Variants in GMPR observed in about 807,000 individuals in gnomAD.
The protein encoded by GMPR is GMP reductase 1.
Under a neutral mutation model 38.4 loss-of-function variants are expected in GMPR, and 31 were observed. The ratio of observed to expected loss-of-function variants is 0.81; its 90% confidence interval spans 0.61 to 1.09. The LOEUF (loss-of-function observed/expected upper bound fraction) is 1.09, where lower values mean the gene tolerates loss of function less well. GMPR is among the 50% of genes least tolerant of loss of function. The pLI, the probability that GMPR is intolerant of heterozygous loss-of-function variation, is 0.00. For missense variants in GMPR, 468 were observed against 453.7 expected, an observed-to-expected ratio of 1.03 and a Z score of -0.29; for synonymous variants, 162 against 173.3, an observed-to-expected ratio of 0.93 and a Z score of 0.51.
At chr6:16,264,170 G>A (rs879458817) in intron 4 of GMPR, among the ~76,000 whole-genome samples, 6 of 151,966 alleles carry the variant, frequency 3.9e-5, no homozygotes, top group South Asian at 2.1e-4. Context: ...TGTGACCGGC[G>A]CCGGAGTTTT....
chr6:16,257,840 C>T (rs1194330301), intron 4 of GMPR: 2 of 152,262 alleles, frequency 1.3e-5, no homozygotes, highest in Admixed American at 1.3e-4. Context: ...CCCTTATGAC[C>T]TAATCACCTC....
chr6:16,254,938 C>A (rs757688657), intron 4 of GMPR, among the ~76,000 whole-genome samples: 2 of 152,088 alleles, frequency 1.3e-5, no homozygotes, highest in African/African-American at 2.4e-5. Flanking sequence ...AAAATAAAAT[C>A]CCCATCAACT....
rs1405799071 is a variant in GMPR, at chr6:16,274,430, A to G, written c.481A>G (p.Thr161Ala). 1 of 1,603,458 alleles carries G rather than the reference A, an allele frequency of 6.2e-7. No individual in the cohort carries two copies. The highest frequency in any genetic ancestry group is 1.7e-5 in the Admixed American group (1 of 60,000). The change falls in exon 5 of 9, where the codon ACA becomes GCA. Residue 161 changes from threonine to alanine, a missense_variant. Thr to Ala is a moderately conservative substitution (Grantham distance 58). Coordinates refer to ENST00000259727, the MANE Select transcript of GMPR (RefSeq NM_006877.4). ...TCTGTCTCAGGCAGGGAACGTGGTG[A>G]CAGGAGAAATGGTAGAAGAGCTTAT... Reference protein sequence around the residue: ...EHTIMAGNVVTGEMVEELILS... With the variant: ...EHTIMAGNVVAGEMVEELILS...
intron 6 of GMPR, among the ~76,000 whole-genome samples, chr6:16,279,754 T>A (rs1759544000): frequency 6.6e-6 from 1 of 151,958 alleles, no homozygotes; most frequent in Non-Finnish European, 1.5e-5. Context: ...GAGATAAGCT[T>A]GAGGGCAAGT....
chr6:16,285,052 A>C (rs747939088), intron 6 of GMPR, among the ~76,000 whole-genome samples: 1 of 150,478 alleles, frequency 6.6e-6, no homozygotes, highest in Non-Finnish European at 1.5e-5. Flanking sequence ...AAAAACAGAA[A>C]AGAAAAGAAA....
intron 6 of GMPR, among the ~76,000 whole-genome samples, chr6:16,281,730 G>A (rs1759578419): frequency 1.3e-5 from 2 of 151,454 alleles, no homozygotes; most frequent in South Asian, 2.1e-4. Flanking sequence ...GGCTGGTCTC[G>A]AACTCCTGAC....
intron 4 of GMPR, among the ~76,000 whole-genome samples, chr6:16,271,706 A>G (rs958587467): frequency 1.2e-4 from 19 of 152,202 alleles, no homozygotes; most frequent in African/African-American, 4.6e-4. Context: ...CATTATAATT[A>G]TAAAAGTAAC....
chr6:16,251,887 A>G (rs1168005081), intron 3 of GMPR, among the ~76,000 whole-genome samples: 1 of 152,204 alleles, frequency 6.6e-6, no homozygotes, highest in Non-Finnish European at 1.5e-5. Context: ...CCTTGCTGCA[A>G]CATGCCTGCA....
In GMPR at chr6:16,238,783, G is replaced by A; in HGVS notation, c.87+3G>A. 6.9e-7 allele frequency: 1 copy of A among 1,445,210 alleles called. No individual in the cohort carries two copies. Among genetic ancestry groups the A allele is most frequent in the Non-Finnish European group, 9.3e-7 (1 of 1,079,380 alleles). 89.5% of individuals were successfully genotyped at this position (1,445,210 alleles called of 1,614,324 possible). ...GCAGCCTCAAGAGCCGAGCCGAGGT[G>A]GGGGACGTTCGGAAGTCGCAGTGGG... is the stretch of plus-strand genomic sequence containing the variant. On this transcript the variant is annotated splice_donor_region_variant and intron_variant, in intron 1 of 8. Coordinates refer to ENST00000259727, the MANE Select transcript of GMPR (RefSeq NM_006877.4).
At chr6:16,290,431 AC>A in intron 7 of GMPR, 30 bp from the exon 8 acceptor site, 1 of 1,606,856 alleles carries the variant, frequency 6.2e-7, no homozygotes, top group Non-Finnish European at 8.5e-7. Context: ...TTTCTCTGCT[AC>A]TCGCTTTCAT....
chr6:16,269,197 G>A (rs1166093582), intron 4 of GMPR, among the ~76,000 whole-genome samples: 1 of 151,822 alleles, frequency 6.6e-6, no homozygotes, highest in Admixed American at 6.6e-5. Flanking sequence ...AAGAATTTGA[G>A]AGAACTTTCT....
rs140806546 is a variant in GMPR at position 16,288,726 on chromosome 6, G to A, written c.698-1736G>A. On this transcript the variant is annotated intron_variant, in intron 7 of 8. Transcript: ENST00000259727. ...TGAAGCCAGCTGGGCTCCTCAGTCTGGTGGGGACGTGGAGAACCTTTATGT... is the reference window on the plus strand; with the variant it reads ...TGAAGCCAGCTGGGCTCCTCAGTCTAGTGGGGACGTGGAGAACCTTTATGT... Among the ~76,000 whole-genome samples the A allele has an allele frequency of 3.6e-3, 547 of 152,344 alleles. 7 individuals carry two copies. Among genetic ancestry groups the A allele is most frequent in the South Asian group, 7.2e-3 (35 of 4,832 alleles).
chr6:16,268,349 C>T (rs1041190201), intron 4 of GMPR, among the ~76,000 whole-genome samples: 9 of 152,316 alleles, frequency 5.9e-5, no homozygotes, highest in African/African-American at 2.2e-4. Context: ...GACTCTCACT[C>T]TGTTGCCCAG....
chr6:16,255,901 A>G (rs1423778218), intron 4 of GMPR, among the ~76,000 whole-genome samples: 1 of 152,152 alleles, frequency 6.6e-6, no homozygotes, highest in Non-Finnish European at 1.5e-5. Context: ...ATGTTTTTCA[A>G]ACACATAGGA....
At chr6:16,262,183 C>T (rs1462078026) in intron 4 of GMPR, 2 of 151,680 alleles carry the variant, frequency 1.3e-5, no homozygotes, top group African/African-American at 2.4e-5. Flanking sequence ...TTACCCTCCA[C>T]TGTGAGAGTT....
At chr6:16,267,871 C>T (rs1158643863) in intron 4 of GMPR, among the ~76,000 whole-genome samples, 8 of 152,186 alleles carry the variant, frequency 5.3e-5, no homozygotes, top group East Asian at 1.9e-4. Context: ...GGCAGATCTC[C>T]GGGAGCCATG....
At chr6:16,275,423 T>C (rs905048251) in intron 5 of GMPR, among the ~76,000 whole-genome samples, 10 of 152,026 alleles carry the variant, frequency 6.6e-5, no homozygotes, top group Admixed American at 3.3e-4. Flanking sequence ...CCTGAGGGAA[T>C]TGGATGTGTA....
rs773843085 is a variant in GMPR, at chr6:16,250,337, C to T, written c.261C>T (p.Leu87=). Residue 87 remains leucine (L), a synonymous_variant, in exon 3 of 9, where the codon CTC becomes CTT. Coordinates refer to ENST00000259727, the MANE Select transcript of GMPR (RefSeq NM_006877.4). ...HKHYSLDDWK[L]FATNHPECLQ... ...ATTACTCCCTGGATGACTGGAAGCT[C>T]TTTGCCACAAATCACCCAGAATGCC... is the stretch of plus-strand genomic sequence containing the variant. 5.0e-6 allele frequency: 8 copies of T among 1,609,946 alleles called. No individual in the cohort carries two copies. The highest frequency in any genetic ancestry group is 1.6e-4 in the Middle Eastern group (1 of 6,076).
chr6:16,253,143 G>A (rs1346116438), intron 3 of GMPR, among the ~76,000 whole-genome samples: 1 of 152,214 alleles, frequency 6.6e-6, no homozygotes, highest in Non-Finnish European at 1.5e-5. Context: ...GTGTTACAGG[G>A]GAGAATGTGG....
Sources: gnomAD v4.1 joint callset for allele counts (sites outside exome capture counted in the v4.1 genomes callset) on GRCh38, gnomAD v4.1.1 for gene constraint, MANE v1.5 for transcripts, NCBI Gene and HGNC (gene_info 2026-07-23, HGNC 2026-07-21) for gene names.